The following EPHX1 variants were observed in gnomAD, a reference collection of about 807,000 sequenced individuals.
EPHX1 encodes the protein epoxide hydratase.
A neutral mutation model predicts 43.2 loss-of-function variants in EPHX1; 40 were observed. That is an observed-to-expected ratio of 0.93 (90% CI 0.72 to 1.21). The LOEUF is 1.21. Ranked by LOEUF, EPHX1 falls within the 50% of genes most tolerant of loss-of-function variation. EPHX1 has a pLI of 0.00. For synonymous variants in EPHX1, 221 were observed against 226.7 expected (o/e 0.98, Z 0.22); for missense variants, 550 against 570.4 (o/e 0.96, Z 0.36).
At chr1:225,833,390 G>C (rs573320919) in intron 3 of EPHX1, among the ~76,000 whole-genome samples, 1 of 152,308 alleles carries the variant, frequency 6.6e-6, no homozygotes, top group Admixed American at 6.5e-5. Flanking sequence ...TGTAGTCCCA[G>C]CTACTCAGGA....
chr1:225,822,213 C>T (rs1667009410), intron 1 of EPHX1, among the ~76,000 whole-genome samples: 1 of 152,110 alleles, frequency 6.6e-6, no homozygotes, highest in Non-Finnish European at 1.5e-5. Flanking sequence ...AGCTAAATGA[C>T]CACTATCTTC....
chr1:225,842,091 G>A (rs530538348), intron 6 of EPHX1, among the ~76,000 whole-genome samples: 10 of 152,374 alleles, frequency 6.6e-5, no homozygotes, highest in South Asian at 2.1e-4. Context: ...ATGCAGAGGC[G>A]TAGGCCCTTC....
chr1:225,819,816 CACTTAATCACTCTGTCATACTTAGCTG>C (rs1239840925), intron 1 of EPHX1, among the ~76,000 whole-genome samples: 7 of 152,152 alleles, frequency 4.6e-5, no homozygotes, highest in Non-Finnish European at 1.0e-4. Flanking sequence ...TCTTTGTCCG[CACTTAATCACTCTGTCATACTTAGCTG>C]CCAGGGGGCC....
intron 1 of EPHX1, among the ~76,000 whole-genome samples, chr1:225,818,992 C>T (rs910668696): frequency 2.7e-5 from 4 of 146,134 alleles, no homozygotes; most frequent in Admixed American, 6.9e-5. Context: ...CTTTGGGAGG[C>T]GGAGGCGGGC....
At chr1:225,826,601 G>A (rs1360887405) in intron 1 of EPHX1, among the ~76,000 whole-genome samples, 2 of 152,212 alleles carry the variant, frequency 1.3e-5, no homozygotes, top group Non-Finnish European at 2.9e-5. Context: ...GTGAGACCTT[G>A]AGGCACTTTA....
At chr1:225,839,176 C>T (rs1215367885) in intron 4 of EPHX1, 41 bp from the exon 5 acceptor site, 3 of 1,613,572 alleles carry the variant, frequency 1.9e-6, no homozygotes, top group Middle Eastern at 1.6e-4. Context: ...AGCAATCTGC[C>T]TGTGACTCCG....
At chr1:225,823,144 T>C (rs1393992736) in intron 1 of EPHX1, among the ~76,000 whole-genome samples, 1 of 151,964 alleles carries the variant, frequency 6.6e-6, no homozygotes, top group African/African-American at 2.4e-5. Context: ...TAGTAAACAG[T>C]GGAGCCGAGA....
intron 4 of EPHX1, 130 bp from the exon 5 acceptor site, chr1:225,839,087 T>G: frequency 6.7e-7 from 1 of 1,488,692 alleles, no homozygotes. Context: ...GATTCCTTCT[T>G]GCCTCTGTGA....
chr1:225,834,336 C>T (rs1386277913), intron 3 of EPHX1, among the ~76,000 whole-genome samples: 9 of 151,464 alleles, frequency 5.9e-5, no homozygotes, highest in South Asian at 2.1e-4. Context: ...ACCAGGGAGG[C>T]GGAGGTTGCA....
chr1:225,815,482 G>T (rs1666684775), intron 1 of EPHX1, among the ~76,000 whole-genome samples: 1 of 150,370 alleles, frequency 6.7e-6, no homozygotes, highest in African/African-American at 2.5e-5. Context: ...TGAACTCCTG[G>T]GCTCAAGCGA....
intron 1 of EPHX1, among the ~76,000 whole-genome samples, chr1:225,820,809 T>C (rs575407387): frequency 6.6e-6 from 1 of 152,198 alleles, no homozygotes; most frequent in East Asian, 1.9e-4. Context: ...CTCTTCCATC[T>C]GTGTGCATAT....
intron 1 of EPHX1, among the ~76,000 whole-genome samples, chr1:225,821,316 C>T (rs545563902): frequency 1.3e-5 from 2 of 151,704 alleles, no homozygotes; most frequent in African/African-American, 4.8e-5. Flanking sequence ...GCAATCTCGG[C>T]TCACTGCAAC....
chr1:225,826,637 T>G (rs1164208403), intron 1 of EPHX1, among the ~76,000 whole-genome samples: 1 of 151,778 alleles, frequency 6.6e-6, no homozygotes, highest in Admixed American at 6.6e-5. Flanking sequence ...GAGAGGGAGA[T>G]AGATTGGAAG....
chr1:225,834,403 CAAA>C (rs1015422240), intron 3 of EPHX1, among the ~76,000 whole-genome samples: 1 of 149,258 alleles, frequency 6.7e-6, no homozygotes, highest in Non-Finnish European at 1.5e-5. Context: ...GACTCCATCT[CAAA>C]AAAAAAGGGA....
chr1:225,837,514 C>CTTTAT, intron 3 of EPHX1, among the ~76,000 whole-genome samples: 1 of 152,296 alleles, frequency 6.6e-6, no homozygotes, highest in Non-Finnish European at 1.5e-5. Flanking sequence ...AAATCTTCCA[C>CTTTAT]TTTATTTTAT....
At chr1:225,835,382 CTTTTTTT>C (rs763161291) in intron 3 of EPHX1, among the ~76,000 whole-genome samples, 9 of 90,978 alleles carry the variant, frequency 9.9e-5, no homozygotes, top group Non-Finnish European at 1.5e-4. Flanking sequence ...CCACACTAGG[CTTTTTTT>C]TTTTTTTTTT....
chr1:225,817,510 T>TA lies in EPHX1; in HGVS notation c.-6+7342dup, dbSNP rs1666779831. 6.6e-6 allele frequency among the ~76,000 whole-genome samples: 1 copy of TA among 152,178 alleles called. No individual in the cohort carries two copies. Among genetic ancestry groups the TA allele is most frequent in the Non-Finnish European group, 1.5e-5 (1 of 68,016 alleles). On this transcript the variant is annotated intron_variant, in intron 1 of 8. Coordinates refer to ENST00000272167, the MANE Select transcript of EPHX1 (RefSeq NM_001136018.4). The surrounding 1 kb of genome is among the most constrained non-coding windows in gnomAD (Gnocchi z 5.7). ...GAGGCTGGGGTGCTGGGGAGGGCAGTATGGGGGCAGGCTTGGGACCAGGCC... is the reference window on the plus strand; with the variant it reads ...GAGGCTGGGGTGCTGGGGAGGGCAGTAATGGGGGCAGGCTTGGGACCAGGCC...
At chr1:225,813,907 TAA>T (rs1666604433) in intron 1 of EPHX1, among the ~76,000 whole-genome samples, 1 of 152,294 alleles carries the variant, frequency 6.6e-6, no homozygotes, top group Admixed American at 6.5e-5. Context: ...TCTGAGGAGT[TAA>T]AGAGACTTCT....
At chr1:225,825,976 G>A (rs1284738426) in intron 1 of EPHX1, among the ~76,000 whole-genome samples, 1 of 152,242 alleles carries the variant, frequency 6.6e-6, no homozygotes, top group East Asian at 1.9e-4. Flanking sequence ...TCCTGGCAGA[G>A]ACATAACGTC....
Sources: gnomAD v4.1 joint callset for allele counts (sites outside exome capture counted in the v4.1 genomes callset) on GRCh38, gnomAD v4.1.1 for gene constraint, Gnocchi (gnomAD v3.1) non-coding constraint, MANE v1.5 for transcripts, NCBI Gene and HGNC (gene_info 2026-07-23, HGNC 2026-07-21) for gene names.